Variants in KIF1A observed in about 807,000 individuals in gnomAD.
KIF1A encodes kinesin family member 1A.
In KIF1A, 46 loss-of-function variants were observed where a neutral mutation model predicts 227.3. The ratio of observed to expected loss-of-function variants is 0.20; its 90% CI spans 0.16 to 0.26. KIF1A has a LOEUF of 0.26. Ranked by LOEUF, KIF1A falls within the 10% of genes least tolerant of loss-of-function variation. KIF1A has a pLI of 1.00. For missense variants in KIF1A, 1,683 were observed against 2,485.9 expected, an observed-to-expected ratio of 0.68 and a Z score of 6.87; for synonymous variants, 1,022 against 1,012.8, an observed-to-expected ratio of 1.01 and a Z score of -0.17.
intron 27 of KIF1A, among the ~76,000 whole-genome samples, chr2:240,751,421 G>T (rs977600201): frequency 1.3e-5 from 2 of 152,192 alleles, no homozygotes; most frequent in Admixed American, 6.5e-5. Flanking sequence ...CTGATGAGGG[G>T]ATGAGTGAGA....
intron 29 of KIF1A, among the ~76,000 whole-genome samples, chr2:240,746,654 GAAGCGAGTCT>G (rs2048632855): frequency 6.6e-6 from 1 of 152,210 alleles, no homozygotes; most frequent in Non-Finnish European, 1.5e-5. Flanking sequence ...GCAGGGGTGA[GAAGCGAGTCT>G]AAGAAGGTGG....
In KIF1A at chr2:240,732,045, G is replaced by C. The variant is rs1370137416; in HGVS notation, c.4007+5018C>G. Among the ~76,000 whole-genome samples, 19 of 99,832 alleles carry C rather than the reference G, an allele frequency of 1.9e-4. 1 individual carries two copies. The highest frequency in any genetic ancestry group is 7.2e-4 in the African/African-American group (18 of 25,070). The allele number at this position is 99,832 out of a possible 152,430, so 65.5% of individuals were successfully genotyped here. On this transcript the variant is annotated intron_variant, in intron 38 of 48. Coordinates refer to ENST00000498729, the MANE Select transcript of KIF1A (RefSeq NM_001244008.2). Reference sequence around the variant, plus strand: ...TGAGGGGAGGAGGGAATGAGGGGAGGAGGGGATGAGGGATGGGGGAGGAGG... The same window carrying C: ...TGAGGGGAGGAGGGAATGAGGGGAGCAGGGGATGAGGGATGGGGGAGGAGG...
At chr2:240,776,888 A>T (rs4676369) in intron 10 of KIF1A, among the ~76,000 whole-genome samples, 1 of 152,170 alleles carries the variant, frequency 6.6e-6, no homozygotes. Flanking sequence ...TGAGACTCCC[A>T]GTCAAAGGGG....
At chr2:240,810,842 G>A (rs912463002) in intron 1 of KIF1A, among the ~76,000 whole-genome samples, 2 of 152,194 alleles carry the variant, frequency 1.3e-5, no homozygotes, top group Non-Finnish European at 2.9e-5. Context: ...CCATGGTGAC[G>A]TGGAAGGACC....
At chr2:240,717,776 A>T (rs1575509980) in intron 48 of KIF1A, among the ~76,000 whole-genome samples, 3 of 152,344 alleles carry the variant, frequency 2.0e-5, no homozygotes, top group Admixed American at 2.0e-4. Flanking sequence ...AATAGCCCTA[A>T]GGGCATCCCC....
intron 14 of KIF1A, among the ~76,000 whole-genome samples, chr2:240,771,665 G>A (rs1004308425): frequency 2.0e-5 from 3 of 151,870 alleles, no homozygotes; most frequent in Non-Finnish European, 2.9e-5. Context: ...CACATCCACC[G>A]TCAGCCTGGG....
intron 1 of KIF1A, among the ~76,000 whole-genome samples, chr2:240,815,651 C>T (rs566026741): frequency 3.9e-5 from 6 of 152,292 alleles, no homozygotes; most frequent in African/African-American, 1.2e-4. Context: ...ACTGAGTCTT[C>T]ACTCTGTGTG....
rs1230256955 is a variant in KIF1A at position 240,757,050 on chromosome 2, C to T, written c.2858+269G>A. 6.6e-6 allele frequency among the ~76,000 whole-genome samples: 1 copy of T among 152,224 alleles called. No homozygotes were observed. Among genetic ancestry groups the T allele is most frequent in the Admixed American group, 6.5e-5 (1 of 15,288 alleles). On this transcript the variant is annotated intron_variant, in intron 27 of 48. Coordinates refer to ENST00000498729, the MANE Select transcript of KIF1A (RefSeq NM_001244008.2). This position sits in a 1 kb window ranked among gnomAD's most constrained non-coding sequence, Gnocchi z 6.2. ...TGCCTGGGGCCACAGCTGCAAGCTC[C>T]GGGGTGCACTACCTCTTCTGTACCT...
intron 1 of KIF1A, among the ~76,000 whole-genome samples, chr2:240,805,221 G>A (rs2057322481): frequency 1.3e-5 from 2 of 151,870 alleles, no homozygotes; most frequent in African/African-American, 4.8e-5. Flanking sequence ...GATCCTCAGC[G>A]ACTTCAGATA....
intron 17 of KIF1A, among the ~76,000 whole-genome samples, chr2:240,768,902 C>T (rs1292494510): frequency 1.3e-5 from 2 of 152,070 alleles, no homozygotes; most frequent in African/African-American, 4.8e-5. Context: ...CACTAAGAGA[C>T]CCATCTGATG....
At chr2:240,798,729 C>G (rs182407663) in intron 1 of KIF1A, among the ~76,000 whole-genome samples, 1 of 152,200 alleles carries the variant, frequency 6.6e-6, no homozygotes, top group Non-Finnish European at 1.5e-5. Flanking sequence ...GCTGCTTCCC[C>G]GTGGGACTTG....
Position 240,775,512 on chromosome 2 carries a change from C to T in KIF1A, c.958+339G>A, listed in dbSNP as rs1211563670. Among the ~76,000 whole-genome samples the T allele has an allele frequency of 2.0e-5, 3 of 152,180 alleles. No individual in the cohort carries two copies. The highest frequency in any genetic ancestry group is 7.2e-5 in the African/African-American group (3 of 41,432). ...GCTCCCAGATCGCGTCCCAGGTCCCCGTGACTGATGGGGAAACCAAGGCCC... is the reference window on the plus strand; with the variant it reads ...GCTCCCAGATCGCGTCCCAGGTCCCTGTGACTGATGGGGAAACCAAGGCCC... On this transcript the variant is annotated intron_variant, in intron 11 of 48. Transcript: ENST00000498729. This position sits in a 1 kb window ranked among gnomAD's most constrained non-coding sequence, Gnocchi z 5.5.
chr2:240,714,201 G>A lies in KIF1A; in HGVS notation c.*3163C>T. On this transcript the variant is annotated 3_prime_UTR_variant, in exon 49 of 49. Coordinates refer to ENST00000498729, the MANE Select transcript of KIF1A (RefSeq NM_001244008.2). ...AGGTGCTGGGGACTCCAGGGACCAG[G>A]GTTGACAGGGAGGGCCACCTCATCA... is the stretch of plus-strand genomic sequence containing the variant. 6.6e-6 allele frequency: 1 copy of A among 152,660 alleles called. No homozygotes were observed. 9.5% of individuals were successfully genotyped at this position (152,660 alleles called of 1,614,324 possible). A position where few individuals can be genotyped will look rare whatever the true frequency, so the allele number is the denominator to read the frequency against.
Position 240,735,654 on chromosome 2 carries a change from C to A in KIF1A, c.4007+1409G>T, listed in dbSNP as rs1385473912. 3.9e-5 allele frequency among the ~76,000 whole-genome samples: 6 copies of A among 152,156 alleles called. No individual in the cohort carries two copies. In the East Asian group the frequency reaches 9.6e-4, roughly 24 times the overall value. On this transcript the variant is annotated intron_variant, in intron 38 of 48. Coordinates refer to ENST00000498729, the MANE Select transcript of KIF1A (RefSeq NM_001244008.2). ...ACTCCAATTCCTGGTCCCCCATGGC[C>A]CAGGCACAGCAGCCCACACTCTGCA...
At chr2:240,784,764 C>T (rs1186985182) in intron 7 of KIF1A, among the ~76,000 whole-genome samples, 1 of 152,150 alleles carries the variant, frequency 6.6e-6, no homozygotes, top group Non-Finnish European at 1.5e-5. Flanking sequence ...GAAGATGGCC[C>T]CCTGGCCTGG....
chr2:240,713,771 T>C lies in KIF1A; in HGVS notation c.*3593A>G, dbSNP rs912193189. 6.5e-6 allele frequency: 1 copy of C among 152,786 alleles called. No individual in the cohort carries two copies. The allele number at this position is 152,786 out of a possible 1,614,324, so 9.5% of individuals were successfully genotyped here. A position where few individuals can be genotyped will look rare whatever the true frequency, so the allele number is the denominator to read the frequency against. ...CCACAGCAGAGCCCATGGGACTGTG[T>C]TGAGTAAGAGCCACATTTATTTCTT... On this transcript the variant is annotated 3_prime_UTR_variant, in exon 49 of 49. Coordinates refer to ENST00000498729, the MANE Select transcript of KIF1A (RefSeq NM_001244008.2).
chr2:240,789,033 C>T lies in KIF1A; in HGVS notation c.183+203G>A, dbSNP rs547915720. Reference sequence around the variant, plus strand: ...GCTCTGACCCTGGAAACTACCCACACGGAGCTGAAGGCCCCTCAGTTCCTG... The same window carrying T: ...GCTCTGACCCTGGAAACTACCCACATGGAGCTGAAGGCCCCTCAGTTCCTG... On this transcript the variant is annotated intron_variant, in intron 3 of 48. Transcript: ENST00000498729. The surrounding 1 kb of genome is among the most constrained non-coding windows in gnomAD (Gnocchi z 4.8). Among the ~76,000 whole-genome samples, 11 of 152,200 alleles carry T rather than the reference C, an allele frequency of 7.2e-5. No homozygotes were observed. Among genetic ancestry groups the T allele is most frequent in the Admixed American group, 4.6e-4 (7 of 15,292 alleles).
At position 240,769,201 on chromosome 2, in the gene KIF1A, G is replaced by C. The variant is rs1186718688; in HGVS notation, c.1429C>G (p.Leu477Val). 1 of 1,608,622 alleles carries C rather than the reference G, an allele frequency of 6.2e-7. No individual in the cohort carries two copies. The highest frequency in any genetic ancestry group is 8.5e-7 in the Non-Finnish European group (1 of 1,177,946). The change falls in exon 17 of 49, where the codon CTG (leucine) becomes GTG (valine). Residue 477 changes from leucine to valine, a missense_variant. By Grantham distance (32) the Leu-to-Val change is conservative (BLOSUM62 1). This residue lies in a region of KIF1A where 217 missense variants were observed against 427.0 expected (regional missense o/e 0.51). Coordinates refer to ENST00000498729, the MANE Select transcript of KIF1A (RefSeq NM_001244008.2). ...ATGGCCACACCCATCTCGGCCAGCAGGGCTTCCCTGGGGGAACAGAGCTGA... is the reference window on the plus strand; with the variant it reads ...ATGGCCACACCCATCTCGGCCAGCACGGCTTCCCTGGGGGAACAGAGCTGA... ...TEAIRMEREA[L>V]LAEMGVAMRE...
intron 27 of KIF1A, among the ~76,000 whole-genome samples, chr2:240,753,220 C>T (rs2049431618): frequency 1.3e-5 from 2 of 152,226 alleles, no homozygotes; most frequent in Admixed American, 1.3e-4. Flanking sequence ...ACACTGATCC[C>T]CTCCTCACTC....
Sources: gnomAD v4.1 joint callset for allele counts (sites outside exome capture counted in the v4.1 genomes callset) on GRCh38, gnomAD v4.1.1 for gene constraint, gnomAD v4.1.1 regional missense constraint, Gnocchi (gnomAD v3.1) non-coding constraint, MANE v1.5 for transcripts, NCBI Gene and HGNC (gene_info 2026-07-23, HGNC 2026-07-21) for gene names.